TOX2: variants seen among roughly 807,000 people sequenced by gnomAD.
The protein encoded by TOX2 is granulosa cell HMG box 1.
A neutral mutation model predicts 47.4 loss-of-function variants in TOX2; 15 were observed. The ratio of observed to expected loss-of-function variants is 0.32; its 90% confidence interval spans 0.21 to 0.49. TOX2 has a LOEUF of 0.49. TOX2 is among the 20% of genes least tolerant of loss of function. The probability of loss-of-function intolerance (pLI) is 0.99; values close to 1 mark genes in which losing one functional copy is unlikely to be tolerated. For missense variants in TOX2, 622 were observed against 673.1 expected, an observed-to-expected ratio of 0.92 and a Z score of 0.84; for synonymous variants, 290 against 296.6, an observed-to-expected ratio of 0.98 and a Z score of 0.23.
At chr20:44,048,362 C>A (rs1304099991) in intron 3 of TOX2, among the ~76,000 whole-genome samples, 1 of 126,142 alleles carries the variant, frequency 7.9e-6, no homozygotes, top group Non-Finnish European at 1.7e-5. Flanking sequence ...TATGCTAGTA[C>A]ATGTTAGTAT....
intron 1 of TOX2, among the ~76,000 whole-genome samples, chr20:43,963,921 T>C (rs1057337161): frequency 4.6e-5 from 7 of 152,166 alleles, no homozygotes; most frequent in Non-Finnish European, 7.4e-5. Flanking sequence ...GAGGTAGTTA[T>C]AGCAACTGGC....
chr20:43,969,982 C>G (rs1179808315), intron 1 of TOX2, among the ~76,000 whole-genome samples: 1 of 152,204 alleles, frequency 6.6e-6, no homozygotes, highest in African/African-American at 2.4e-5. Context: ...CCCTACATCT[C>G]CAGTACCATT....
chr20:43,941,071 A>G (rs991214121), intron 1 of TOX2, among the ~76,000 whole-genome samples: 1 of 152,178 alleles, frequency 6.6e-6, no homozygotes, highest in African/African-American at 2.4e-5. Context: ...GGAAGGTTCC[A>G]TGGAAATCAA....
At chr20:44,028,726 C>A (rs1002365927) in intron 3 of TOX2, among the ~76,000 whole-genome samples, 1 of 152,166 alleles carries the variant, frequency 6.6e-6, no homozygotes, top group Admixed American at 6.5e-5. Context: ...CTGATGCCCC[C>A]TCCCAGTCCT....
chr20:44,053,538 T>C (rs1478382808), intron 4 of TOX2, among the ~76,000 whole-genome samples: 6 of 44,330 alleles, frequency 1.4e-4, no homozygotes, highest in African/African-American at 2.7e-4. Flanking sequence ...TATACATATA[T>C]ACTATATATA....
At chr20:43,945,934 G>T (rs777902608) in intron 1 of TOX2, 13 of 1,613,632 alleles carry the variant, frequency 8.1e-6, no homozygotes, top group Non-Finnish European at 1.1e-5. Flanking sequence ...TCGCACAGAG[G>T]CTGTCGCGGG....
intron 2 of TOX2, among the ~76,000 whole-genome samples, chr20:43,993,084 C>A (rs2070399468): frequency 6.6e-6 from 1 of 152,074 alleles, no homozygotes; most frequent in Non-Finnish European, 1.5e-5. Flanking sequence ...GCATGTCAGA[C>A]ACCATCCAGG....
chr20:43,925,719 T>G (rs764029434), intron 1 of TOX2, among the ~76,000 whole-genome samples: 1 of 152,228 alleles, frequency 6.6e-6, no homozygotes, highest in Non-Finnish European at 1.5e-5. Flanking sequence ...TTCTTTGACT[T>G]CTTAGTTTCT....
chr20:43,935,520 C>G (rs1233198569), intron 1 of TOX2, among the ~76,000 whole-genome samples: 1 of 152,156 alleles, frequency 6.6e-6, no homozygotes, highest in African/African-American at 2.4e-5. Flanking sequence ...TGTGTACTAT[C>G]TTATTTAACC....
intron 1 of TOX2, among the ~76,000 whole-genome samples, chr20:43,932,249 C>A (rs2069260994): frequency 6.6e-6 from 1 of 152,210 alleles, no homozygotes; most frequent in Non-Finnish European, 1.5e-5. Context: ...GCCCTCCTGG[C>A]ACAGCTTATT....
chr20:44,065,950 C>A lies in TOX2; in HGVS notation c.1199C>A (p.Pro400His). 1.2e-6 allele frequency: 2 copies of A among 1,613,304 alleles called. No individual in the cohort carries two copies. Among genetic ancestry groups the A allele is most frequent in the South Asian group, 1.1e-5 (1 of 91,010 alleles). The change falls in exon 7 of 9, where the codon CCC becomes CAC. Residue 400 changes from proline to histidine, a missense_variant. Physicochemically the swap from Pro to His is moderately conservative, Grantham distance 77. Coordinates refer to ENST00000341197, the MANE Select transcript of TOX2 (RefSeq NM_001098797.2). ...CCGCCACCCTCCTTCCCGCTCAGCC[C>A]CACACTGCACCAGCAGCTGTCACTG... ...PPPPPSFPLSPTLHQQLSLPP... is the reference protein window; with the variant it reads ...PPPPPSFPLSHTLHQQLSLPP...
chr20:43,932,871 G>A lies in TOX2; in HGVS notation c.99+17881G>A, dbSNP rs149583433. ...TGCTTCCCTCCGTGCATCCTCCAGGGGCCTGGACAAATCTCATCTGCCCCT... is the reference window on the plus strand; with the variant it reads ...TGCTTCCCTCCGTGCATCCTCCAGGAGCCTGGACAAATCTCATCTGCCCCT... On this transcript the variant is annotated intron_variant, in intron 1 of 8. Coordinates refer to ENST00000341197, the MANE Select transcript of TOX2 (RefSeq NM_001098797.2). Among the ~76,000 whole-genome samples, 29 of 151,906 alleles carry A rather than the reference G, an allele frequency of 1.9e-4. No homozygotes were observed. In the East Asian group the frequency reaches 5.7e-3, roughly 30 times the overall value.
intron 2 of TOX2, among the ~76,000 whole-genome samples, chr20:43,979,647 A>C (rs757883886): frequency 7.8e-4 from 118 of 152,242 alleles, no homozygotes; most frequent in Non-Finnish European, 1.5e-3. Context: ...ATTAGTAATC[A>C]GGATATATAA....
At chr20:43,981,280 G>GT (rs2070164938) in intron 2 of TOX2, among the ~76,000 whole-genome samples, 1 of 152,000 alleles carries the variant, frequency 6.6e-6, no homozygotes, top group Non-Finnish European at 1.5e-5. Flanking sequence ...CCAGCAATTC[G>GT]TTTTTTTGGA....
At chr20:44,022,177 C>T (rs186915904) in intron 3 of TOX2, among the ~76,000 whole-genome samples, 12 of 152,308 alleles carry the variant, frequency 7.9e-5, no homozygotes, top group Non-Finnish European at 1.5e-4. Context: ...GCCCATGGCC[C>T]TGCTGAGAGG....
At chr20:43,980,545 A>G (rs6073268) in intron 2 of TOX2, among the ~76,000 whole-genome samples, 31,785 of 152,204 alleles carry the variant, frequency 0.21, 4,659 homozygotes, top group African/African-American at 0.42. Flanking sequence ...TGCTTAAGGG[A>G]ATGGATAACC....
chr20:43,961,212 C>T (rs73289002), intron 1 of TOX2, among the ~76,000 whole-genome samples: 6,324 of 152,176 alleles, frequency 0.042, 410 homozygotes, highest in African/African-American at 0.14. Flanking sequence ...TGGGCATGAA[C>T]GGTGTGGAAG....
intron 1 of TOX2, among the ~76,000 whole-genome samples, chr20:43,957,341 A>T (rs1208432444): frequency 6.6e-6 from 1 of 152,226 alleles, no homozygotes; most frequent in Non-Finnish European, 1.5e-5. Flanking sequence ...CTTTGTTTGC[A>T]AAAGGGGAGA....
At chr20:43,995,355 C>A (rs544917506) in intron 2 of TOX2, among the ~76,000 whole-genome samples, 1 of 152,116 alleles carries the variant, frequency 6.6e-6, no homozygotes, top group South Asian at 2.1e-4. Context: ...TCATTCCCCG[C>A]AGAATTCATA....
Sources: allele counts gnomAD v4.1 joint callset (sites outside exome capture counted in the v4.1 genomes callset), GRCh38; gene constraint gnomAD v4.1.1; transcripts MANE v1.5; gene names NCBI Gene and HGNC (gene_info 2026-07-23, HGNC 2026-07-21).